Variants in MYH6 observed in about 807,000 individuals in gnomAD.
MYH6 encodes the protein myosin-6.
MYH6 carries 126 observed loss-of-function variants against 223.2 expected under a neutral mutation model. The ratio of observed to expected loss-of-function variants is 0.56; its 90% CI spans 0.49 to 0.65. The LOEUF (loss-of-function observed/expected upper bound fraction) is 0.65, where lower values mean the gene tolerates loss of function less well. Ranked by LOEUF, MYH6 falls within the 30% of genes least tolerant of loss-of-function variation. The pLI is 0.00. For synonymous variants in MYH6, 978 were observed against 1,010.2 expected (o/e 0.97, Z 0.61); for missense variants, 2,040 against 2,536.4 (o/e 0.80, Z 4.20).
chr14:23,397,689 G>A, intron 15 of MYH6, 76 bp from the exon 16 acceptor site: 1 of 1,449,354 alleles, frequency 6.9e-7, no homozygotes, highest in Non-Finnish European at 9.7e-7. Context: ...GAGCTCTGCT[G>A]CTCGCTTGGT....
chr14:23,390,594 A>G (rs936484265), intron 25 of MYH6, 148 bp from the exon 26 acceptor site: 1 of 1,489,812 alleles, frequency 6.7e-7, no homozygotes, highest in Non-Finnish European at 9.0e-7. Context: ...ACAGTTGGCA[A>G]TGTCTGATTG....
chr14:23,392,421 G>A, intron 25 of MYH6, 141 bp downstream of exon 25: 9 of 772,886 alleles, frequency 1.2e-5, no homozygotes, highest in Admixed American at 1.7e-5. Context: ...GTGTTCCTGA[G>A]CGCCTGTAAG....
At chr14:23,399,272 AC>A (rs1308165865) in intron 14 of MYH6, among the ~76,000 whole-genome samples, 1 of 150,062 alleles carries the variant, frequency 6.7e-6, no homozygotes, top group Non-Finnish European at 1.5e-5. Context: ...ACTCCTAATC[AC>A]CCCCCACAAG....
In MYH6 at chr14:23,407,602, G is replaced by A. The variant is rs1220646871; in HGVS notation, c.-40C>T. On this transcript the variant is annotated 5_prime_UTR_variant, in exon 2 of 39. Coordinates refer to ENST00000405093, the MANE Select transcript of MYH6 (RefSeq NM_002471.4). The surrounding 1 kb of genome is among the most constrained non-coding windows in gnomAD (Gnocchi z 5.6). ...TGGTTATCCCTTCACGGAGAATCCT[G>A]AAGAATCTGGACCGTGGGTGGAGCA... is the stretch of plus-strand genomic sequence containing the variant. 1 of 1,165,586 alleles carries A rather than the reference G, an allele frequency of 8.6e-7. No individual in the cohort carries two copies. Among genetic ancestry groups the A allele is most frequent in the East Asian group, 6.0e-5 (1 of 16,668 alleles). The allele number at this position is 1,165,586 out of a possible 1,614,324, so 72.2% of individuals were successfully genotyped here.
intron 24 of MYH6, 47 bp from the exon 25 acceptor site, chr14:23,392,699 C>A: frequency 6.7e-7 from 1 of 1,498,066 alleles, no homozygotes; most frequent in Non-Finnish European, 9.3e-7. Flanking sequence ...AGCCTTCCTT[C>A]CTCTGGGGCT....
chr14:23,390,474 C>A (rs1414174970), intron 25 of MYH6, 28 bp from the exon 26 acceptor site: 2 of 1,608,932 alleles, frequency 1.2e-6, no homozygotes, highest in East Asian at 4.5e-5. Context: ...GGCTCAGACC[C>A]ACCGCCTGGA....
intron 25 of MYH6, among the ~76,000 whole-genome samples, chr14:23,391,232 CT>C (rs1209092180): frequency 6.6e-6 from 1 of 152,188 alleles, no homozygotes; most frequent in Non-Finnish European, 1.5e-5. Flanking sequence ...TTATGGACAG[CT>C]TTAATGGACT....
Position 23,397,623 on chromosome 14 carries a change from G to A in MYH6, c.1892-10C>T, listed in dbSNP as rs1322705042. 1.1e-5 allele frequency: 18 copies of A among 1,613,888 alleles called. No individual in the cohort carries two copies. Among genetic ancestry groups the A allele is most frequent in the East Asian group, 4.5e-5 (2 of 44,876 alleles). Reference sequence around the variant, plus strand: ...CTTTTACCACTGTCCCCTAAACAGCGAGAGGAGAAATAATCAACAGGAGCT... The same window carrying A: ...CTTTTACCACTGTCCCCTAAACAGCAAGAGGAGAAATAATCAACAGGAGCT... On this transcript the variant is annotated splice_polypyrimidine_tract_variant and intron_variant, in intron 15 of 38. Transcript: ENST00000405093.
At chr14:23,397,910 T>TCTC (rs1247030438) in intron 15 of MYH6, among the ~76,000 whole-genome samples, 2,530 of 112,202 alleles carry the variant, frequency 0.023, 182 homozygotes, top group African/African-American at 0.029. Context: ...ACATTCTAGT[T>TCTC]CTCCTCCTCC....
chr14:23,385,878 T>A, intron 34 of MYH6, 50 bp downstream of exon 34: 1 of 1,613,582 alleles, frequency 6.2e-7, no homozygotes, highest in Middle Eastern at 1.7e-4. Flanking sequence ...CTAGATGTCC[T>A]GGGCTCTGCA....
chr14:23,401,669 C>T (rs1219653412), intron 12 of MYH6, among the ~76,000 whole-genome samples: 3 of 152,214 alleles, frequency 2.0e-5, no homozygotes, highest in South Asian at 2.1e-4. Context: ...CTGTCTCCTT[C>T]GTTCTCTACC....
Position 23,393,702 on chromosome 14 carries a change from G to C in MYH6, c.2892C>G (p.Ala964=). 6.2e-7 allele frequency: 1 copy of C among 1,614,102 alleles called. No individual in the cohort carries two copies. Among genetic ancestry groups the C allele is most frequent in the Non-Finnish European group, 8.5e-7 (1 of 1,180,012 alleles). ...TTGCATGCTTCTCCTTCTCCACCTT[G>C]GCCAGTGTCAGCTCCAGGTCATCAA... The part of the protein sequence containing the change: ...KDIDDLELTL[A]KVEKEKHATE... Residue 964 remains alanine (A), a synonymous_variant, in exon 22 of 39, where the codon GCC becomes GCG. Coordinates refer to ENST00000405093, the MANE Select transcript of MYH6 (RefSeq NM_002471.4).
At chr14:23,387,476 G>A in intron 32 of MYH6, 53 bp downstream of exon 32, 1 of 1,608,384 alleles carries the variant, frequency 6.2e-7, no homozygotes, top group Non-Finnish European at 8.5e-7. Flanking sequence ...TGAGGGAGAA[G>A]TGGGAGACAG....
At chr14:23,403,821 C>T in intron 8 of MYH6, 43 bp from the exon 9 acceptor site, 2 of 1,538,026 alleles carry the variant, frequency 1.3e-6, no homozygotes, top group African/African-American at 2.7e-5. Flanking sequence ...GCGGGAAGGA[C>T]AGAGTGAAAT....
At chr14:23,390,531 A>G in intron 25 of MYH6, 85 bp from the exon 26 acceptor site, 1 of 1,555,506 alleles carries the variant, frequency 6.4e-7, no homozygotes, top group South Asian at 1.2e-5. Context: ...CCAGGAACTT[A>G]GGTTCCTCTC....
intron 3 of MYH6, among the ~76,000 whole-genome samples, 187 bp downstream of exon 3, chr14:23,406,836 C>T (rs1891803541): frequency 6.6e-6 from 1 of 152,118 alleles, no homozygotes; most frequent in African/African-American, 2.4e-5. Flanking sequence ...TGGGTGGCAC[C>T]TGTTGCACCA....
intron 14 of MYH6, among the ~76,000 whole-genome samples, chr14:23,399,551 TGTACACACACACAC>T (rs1240521387): frequency 4.6e-5 from 7 of 152,130 alleles, no homozygotes; most frequent in East Asian, 1.9e-4. Context: ...GAAAAACGCA[TGTACACACACACAC>T]GTACACACAC....
intron 28 of MYH6, 49 bp from the exon 29 acceptor site, chr14:23,389,104 C>CTAGATTCTCTAG: frequency 2.6e-6 from 4 of 1,547,072 alleles, no homozygotes; most frequent in Non-Finnish European, 3.5e-6. Flanking sequence ...CCCTGTGCCC[C>CTAGATTCTCTAG]ATTCTCTAGA....
chr14:23,402,656 C>T (rs750084242), intron 11 of MYH6, 41 bp downstream of exon 11: 12 of 1,613,428 alleles, frequency 7.4e-6, no homozygotes, highest in Non-Finnish European at 8.5e-6. Flanking sequence ...CCCAGGAGCT[C>T]CTGGGGTCCC....
Sources: gnomAD v4.1 joint callset for allele counts (sites outside exome capture counted in the v4.1 genomes callset) on GRCh38, gnomAD v4.1.1 for gene constraint, Gnocchi (gnomAD v3.1) non-coding constraint, MANE v1.5 for transcripts, NCBI Gene and HGNC (gene_info 2026-07-23, HGNC 2026-07-21) for gene names.